The following THADA variants were observed in gnomAD, a reference collection of about 807,000 sequenced individuals.
THADA encodes the protein tRNA (32-2'-O)-methyltransferase regulator THADA.
In THADA, 213 loss-of-function variants were observed where a neutral mutation model predicts 219.8. The ratio of observed to expected loss-of-function variants is 0.97; its 90% CI spans 0.87 to 1.09. THADA has a LOEUF of 1.09. Among genes scored for constraint, THADA ranks in the 50% least tolerant of loss-of-function variants. The pLI, the probability that THADA is intolerant of heterozygous loss-of-function variation, is 0.00. For synonymous variants in THADA, 1,018 were observed against 828.9 expected, an observed-to-expected ratio of 1.23 and a Z score of -3.92; for missense variants, 2,956 against 2,311.3, an observed-to-expected ratio of 1.28 and a Z score of -5.72.
At chr2:43,591,538 G>A (rs1701569843) in intron 3 of THADA, among the ~76,000 whole-genome samples, 2 of 151,320 alleles carry the variant, frequency 1.3e-5, no homozygotes, top group Non-Finnish European at 2.9e-5. Flanking sequence ...TAAAAAACCA[G>A]TAATACATTT....
chr2:43,276,850 T>G (rs1304301695), intron 36 of THADA, among the ~76,000 whole-genome samples: 1 of 152,182 alleles, frequency 6.6e-6, no homozygotes, highest in African/African-American at 2.4e-5. Flanking sequence ...TCTACATCAG[T>G]GCCAGAGGCA....
intron 15 of THADA, chr2:43,566,399 T>A (rs959036473): frequency 1.2e-5 from 8 of 691,408 alleles, no homozygotes; most frequent in Non-Finnish European, 1.6e-5. Flanking sequence ...TTGGATACTA[T>A]CTTAAAACAG....
intron 29 of THADA, among the ~76,000 whole-genome samples, chr2:43,381,770 G>A (rs1307763476): frequency 6.6e-6 from 1 of 151,906 alleles, no homozygotes; most frequent in Admixed American, 6.6e-5. Context: ...GTGGAGACGG[G>A]GTTTCACCAT....
intron 2 of THADA, 67 bp downstream of exon 2, chr2:43,592,250 C>A: frequency 8.6e-7 from 1 of 1,163,866 alleles, no homozygotes; most frequent in South Asian, 1.5e-5. Flanking sequence ...CTAGGGGTCC[C>A]AGTCATTAAA....
At chr2:43,406,192 A>G (rs1270413703) in intron 28 of THADA, among the ~76,000 whole-genome samples, 3 of 152,244 alleles carry the variant, frequency 2.0e-5, no homozygotes, top group Admixed American at 1.3e-4. Context: ...GGCTATGGCT[A>G]CTTGATTCAT....
rs900120535 is a variant in THADA, at chr2:43,398,239, G to C, written c.4059-100C>G. 3.2e-6 allele frequency: 4 copies of C among 1,269,238 alleles called. No individual in the cohort carries two copies. The African/African-American group carries it at 4.4e-5, about 14-fold the overall frequency. 78.6% of individuals were successfully genotyped at this position (1,269,238 alleles called of 1,614,324 possible). On this transcript the variant is annotated intron_variant, in intron 28 of 37. Transcript: ENST00000405975. ...ATCTAGCATGGCCTGGAACATCCAGGGGTTAGGGGGAGACAGGAGCTGCTC... is the reference window on the plus strand; with the variant it reads ...ATCTAGCATGGCCTGGAACATCCAGCGGTTAGGGGGAGACAGGAGCTGCTC...
At chr2:43,470,178 A>G (rs1318797093) in intron 26 of THADA, among the ~76,000 whole-genome samples, 2 of 145,302 alleles carry the variant, frequency 1.4e-5, no homozygotes, top group African/African-American at 5.2e-5. Context: ...ACTGCACTTC[A>G]CTCTGGGTGA....
At chr2:43,368,295 T>C (rs1161412368) in intron 29 of THADA, among the ~76,000 whole-genome samples, 1 of 152,228 alleles carries the variant, frequency 6.6e-6, no homozygotes. Flanking sequence ...CATATACTTG[T>C]GCTGAACCAT....
chr2:43,537,564 C>T (rs147592677), intron 21 of THADA, among the ~76,000 whole-genome samples: 219 of 152,234 alleles, frequency 1.4e-3, no homozygotes, highest in African/African-American at 5.0e-3. Context: ...ACATATATCC[C>T]ATTTGTAGTT....
chr2:43,495,953 C>G (rs1255219534), intron 25 of THADA, among the ~76,000 whole-genome samples: 3 of 152,206 alleles, frequency 2.0e-5, no homozygotes, highest in Non-Finnish European at 2.9e-5. Context: ...GTGTGTATCT[C>G]TTACAGGAAG....
intron 15 of THADA, chr2:43,564,181 A>T (rs1698405898): frequency 6.6e-6 from 1 of 152,246 alleles, no homozygotes; most frequent in South Asian, 2.1e-4. Flanking sequence ...TTCTAAATTA[A>T]GTTGAAGTAC....
chr2:43,290,633 T>C (rs1016164950), intron 34 of THADA, among the ~76,000 whole-genome samples: 4 of 152,124 alleles, frequency 2.6e-5, no homozygotes, highest in African/African-American at 9.7e-5. Context: ...ATAGCTCTAG[T>C]CTCTGTTCAT....
intron 26 of THADA, among the ~76,000 whole-genome samples, chr2:43,465,137 G>A (rs1373680808): frequency 6.6e-6 from 1 of 152,014 alleles, no homozygotes; most frequent in Non-Finnish European, 1.5e-5. Flanking sequence ...AAAGCAATAG[G>A]AACTATTCTC....
chr2:43,265,333 A>C (rs1671398096), intron 36 of THADA, among the ~76,000 whole-genome samples: 1 of 152,260 alleles, frequency 6.6e-6, no homozygotes, highest in South Asian at 2.1e-4. Context: ...GTATAAAAAT[A>C]GTGTGAAAAA....
At chr2:43,338,582 T>C (rs1196926223) in intron 30 of THADA, among the ~76,000 whole-genome samples, 1 of 152,230 alleles carries the variant, frequency 6.6e-6, no homozygotes, top group Non-Finnish European at 1.5e-5. Context: ...GACTACTCTA[T>C]GTACTTTGTA....
intron 31 of THADA, among the ~76,000 whole-genome samples, chr2:43,297,416 C>T (rs1490550767): frequency 8.1e-5 from 8 of 98,208 alleles, no homozygotes; most frequent in Non-Finnish European, 9.5e-5. Context: ...GGAGCGTCTC[C>T]GCCCGGCAGC....
chr2:43,283,800 G>C (rs1347316414), intron 35 of THADA, among the ~76,000 whole-genome samples: 2 of 152,264 alleles, frequency 1.3e-5, no homozygotes, highest in Non-Finnish European at 2.9e-5. Context: ...AAGTGAAGCA[G>C]AGCATGGAGC....
intron 28 of THADA, among the ~76,000 whole-genome samples, chr2:43,423,858 T>C (rs1678060404): frequency 6.6e-6 from 1 of 152,166 alleles, no homozygotes; most frequent in African/African-American, 2.4e-5. Context: ...GAAAAGACTT[T>C]CTAGTCTCTA....
At chr2:43,588,549 T>A (rs1439123617) in intron 4 of THADA, among the ~76,000 whole-genome samples, 3 of 152,070 alleles carry the variant, frequency 2.0e-5, no homozygotes, top group African/African-American at 7.2e-5. Context: ...AACAAGAAAA[T>A]GTACAAAGAA....
Sources: gnomAD v4.1 joint callset for allele counts (sites outside exome capture counted in the v4.1 genomes callset) on GRCh38, gnomAD v4.1.1 for gene constraint, MANE v1.5 for transcripts, NCBI Gene and HGNC (gene_info 2026-07-23, HGNC 2026-07-21) for gene names.